The following APOOL variants were observed in gnomAD, a reference collection of about 807,000 sequenced individuals.
The protein encoded by APOOL is apolipoprotein O like.
In APOOL, 12 loss-of-function variants were observed where a neutral mutation model predicts 23.1. The ratio of observed to expected loss-of-function variants is 0.52; its 90% CI spans 0.33 to 0.84. APOOL has a LOEUF of 0.84. APOOL is among the 40% of genes least tolerant of loss of function. The pLI is 0.02. For missense variants in APOOL, 212 were observed against 199.6 expected, an observed-to-expected ratio of 1.06 and a Z score of -0.37; for synonymous variants, 77 against 69.9, an observed-to-expected ratio of 1.10 and a Z score of -0.51.
intron 2 of APOOL, among the ~76,000 whole-genome samples, chrX:85,049,613 A>G (rs747934074): frequency 9.0e-6 from 1 of 110,658 alleles, no homozygotes; most frequent in African/African-American, 3.3e-5. Context: ...GTGAAACCCC[A>G]TCTCTACAAA....
chrX:85,059,936 A>T (rs1171624991), intron 5 of APOOL, among the ~76,000 whole-genome samples: 14 of 108,988 alleles, frequency 1.3e-4, no homozygotes, highest in African/African-American at 4.7e-4. Context: ...GGTGTTTGAG[A>T]CATGAAGTCC....
intron 5 of APOOL, among the ~76,000 whole-genome samples, chrX:85,057,662 G>GAT (rs749973148): frequency 3.8e-5 from 4 of 105,606 alleles, no homozygotes; most frequent in South Asian, 8.5e-4. Context: ...CTGAATGGAT[G>GAT]ATATATATAT....
In APOOL at chrX:85,088,079, T is replaced by A. The variant is rs1392676419; in HGVS notation, c.*401T>A. The A allele has an allele frequency of 4.5e-5, 1 of 21,983 alleles. No individual in the cohort carries two copies. The highest frequency in any genetic ancestry group is 1.5e-4 in the African/African-American group (1 of 6,743). 1.8% of individuals were successfully genotyped at this position (21,983 alleles called of 1,213,427 possible). ...ACATATATGTATAAATACATATACA[T>A]ATATGTATAAATACATATACATATT... On this transcript the variant is annotated 3_prime_UTR_variant, in exon 9 of 9. Transcript: ENST00000373173.
At chrX:85,073,907 T>C in intron 6 of APOOL, 91 bp from the exon 7 acceptor site, 5 of 551,684 alleles carry the variant, frequency 9.1e-6, no homozygotes, top group Non-Finnish European at 1.4e-5. Flanking sequence ...CTGACTTGAG[T>C]GTTCATATAA....
At chrX:85,044,270 G>A (rs865873999) in intron 1 of APOOL, among the ~76,000 whole-genome samples, 1 of 107,368 alleles carries the variant, frequency 9.3e-6, no homozygotes, top group Non-Finnish European at 1.9e-5. Flanking sequence ...GTGTGTGTGT[G>A]TATATATATA....
chrX:85,062,220 T>G (rs1198098689), intron 5 of APOOL, among the ~76,000 whole-genome samples: 1 of 111,816 alleles, frequency 8.9e-6, no homozygotes, highest in East Asian at 2.8e-4. Flanking sequence ...GGTTCTTAGT[T>G]TTTTTTCTTA....
In APOOL at chrX:85,071,921, C is replaced by T. The variant is rs1052392835; in HGVS notation, c.487-2077C>T. Among the ~76,000 whole-genome samples the T allele has an allele frequency of 5.4e-5, 6 of 111,429 alleles. No individual in the cohort carries two copies. In the Admixed American group the frequency reaches 5.7e-4, roughly 11 times the overall value. ...CATCCTGGCTAACACGGTGAAACCC[C>T]GTCTCTACTAAAAATACAAAAAATT... On this transcript the variant is annotated intron_variant, in intron 6 of 8. Coordinates refer to ENST00000373173, the MANE Select transcript of APOOL (RefSeq NM_198450.6).
rs751372341 is a variant in APOOL, at chrX:85,055,000, A to C, written c.295+602A>C. Among the ~76,000 whole-genome samples, 21 of 112,031 alleles carry C rather than the reference A, an allele frequency of 1.9e-4. No individual in the cohort carries two copies. The South Asian group carries it at 5.5e-3, about 30-fold the overall frequency. On this transcript the variant is annotated intron_variant, in intron 4 of 8. Coordinates refer to ENST00000373173, the MANE Select transcript of APOOL (RefSeq NM_198450.6). ...CTTTAGCTTGTTAATGGTGTTTGGC[A>C]ACAGATATAGCTTTGTAATATTCTT...
intron 6 of APOOL, among the ~76,000 whole-genome samples, chrX:85,068,025 C>T (rs1289332959): frequency 2.7e-5 from 3 of 110,852 alleles, no homozygotes; most frequent in Non-Finnish European, 5.7e-5. Context: ...TTGAGAATGT[C>T]GAGGATATGG....
chrX:85,084,502 C>T, intron 8 of APOOL, among the ~76,000 whole-genome samples: 1 of 108,963 alleles, frequency 9.2e-6, no homozygotes, highest in African/African-American at 3.4e-5. Flanking sequence ...CAGAGAGATC[C>T]ATATCACAAT....
At position 85,006,801 on chromosome X, in the gene APOOL, A is replaced by G. The variant is rs757926417; in HGVS notation, c.15+2874A>G. Among the ~76,000 whole-genome samples the G allele has an allele frequency of 5.1e-3, 572 of 111,885 alleles. 3 individuals carry two copies. The highest frequency in any genetic ancestry group is 0.017 in the African/African-American group (535 of 30,846). ...AATCACTTTTTACAGGTAGGGAAAC[A>G]GAAGCTTAAAAAGGTCAAGTAACTC... is the stretch of plus-strand genomic sequence containing the variant. On this transcript the variant is annotated intron_variant, in intron 1 of 8. Coordinates refer to ENST00000373173, the MANE Select transcript of APOOL (RefSeq NM_198450.6).
chrX:85,071,644 C>A (rs902913184), intron 6 of APOOL, among the ~76,000 whole-genome samples: 6 of 111,128 alleles, frequency 5.4e-5, no homozygotes, highest in African/African-American at 2.0e-4. Context: ...AAAATACAAT[C>A]TAGAAGCCAT....
chrX:85,034,868 G>A (rs926951776), intron 1 of APOOL, among the ~76,000 whole-genome samples: 8 of 111,722 alleles, frequency 7.2e-5, no homozygotes, highest in African/African-American at 2.0e-4. Context: ...AACACTGATG[G>A]GCACCTAGGT....
intron 1 of APOOL, among the ~76,000 whole-genome samples, chrX:85,031,439 A>G (rs1922033649): frequency 9.0e-6 from 1 of 111,570 alleles, no homozygotes; most frequent in Non-Finnish European, 1.9e-5. Flanking sequence ...TAGGCTGCAT[A>G]TATTTCAAAA....
intron 1 of APOOL, among the ~76,000 whole-genome samples, chrX:85,031,956 C>T (rs983804973): frequency 9.0e-6 from 1 of 111,515 alleles, no homozygotes; most frequent in African/African-American, 3.3e-5. Flanking sequence ...AGAATGCTCT[C>T]AATATTCCTC....
intron 5 of APOOL, among the ~76,000 whole-genome samples, chrX:85,060,013 C>CT (rs1397873201): frequency 3.6e-5 from 4 of 110,527 alleles, no homozygotes; most frequent in African/African-American, 1.3e-4. Flanking sequence ...GGTTTTAGGT[C>CT]TAACATTTAA....
intron 5 of APOOL, among the ~76,000 whole-genome samples, chrX:85,059,269 G>C (rs1340316216): frequency 3.2e-4 from 35 of 109,930 alleles, no homozygotes; most frequent in East Asian, 5.8e-4. Context: ...TCTTAATCCA[G>C]TCTATCGTTG....
intron 1 of APOOL, among the ~76,000 whole-genome samples, chrX:85,011,595 T>C (rs1312747473): frequency 9.0e-6 from 1 of 111,462 alleles, no homozygotes; most frequent in Non-Finnish European, 1.9e-5. Flanking sequence ...TTGAACAGGG[T>C]GTGTGTGCTT....
chrX:85,053,150 A>G (rs934980307), intron 3 of APOOL, among the ~76,000 whole-genome samples: 4 of 111,585 alleles, frequency 3.6e-5, no homozygotes, highest in African/African-American at 1.3e-4. Context: ...GTGTTTTGAA[A>G]TTTAGGTAGC....
Sources: gnomAD v4.1 joint callset for allele counts (sites outside exome capture counted in the v4.1 genomes callset) on GRCh38, gnomAD v4.1.1 for gene constraint, MANE v1.5 for transcripts, NCBI Gene and HGNC (gene_info 2026-07-23, HGNC 2026-07-21) for gene names.